Variants in KCNQ5 observed in about 807,000 individuals in gnomAD.
KCNQ5 encodes the protein potassium voltage-gated channel subfamily KQT member 5.
Under a neutral mutation model 98.2 loss-of-function variants are expected in KCNQ5, and 30 were observed. The ratio of observed to expected loss-of-function variants is 0.31; its 90% CI spans 0.23 to 0.41. KCNQ5 has a LOEUF of 0.41. Among genes scored for constraint, KCNQ5 ranks in the 10% least tolerant of loss-of-function variants. The probability of loss-of-function intolerance (pLI) is 1.00; values close to 1 mark genes in which losing one functional copy is unlikely to be tolerated. For missense variants in KCNQ5, 835 were observed against 1,182.5 expected (o/e 0.71, Z 4.31); for synonymous variants, 458 against 449.4 (o/e 1.02, Z -0.24).
At chr6:73,193,664 G>T (rs577741536) in intron 13 of KCNQ5, among the ~76,000 whole-genome samples, 3 of 151,298 alleles carry the variant, frequency 2.0e-5, no homozygotes, top group African/African-American at 7.3e-5. Flanking sequence ...TATTAATTCC[G>T]GAGCATTTTG....
At chr6:72,974,581 C>T (rs1217231395) in intron 1 of KCNQ5, among the ~76,000 whole-genome samples, 1 of 152,114 alleles carries the variant, frequency 6.6e-6, no homozygotes, top group African/African-American at 2.4e-5. Flanking sequence ...GCATTGACAT[C>T]AGAGTATCCT....
At position 72,900,968 on chromosome 6, in the gene KCNQ5, A is replaced by G. The variant is rs558193938; in HGVS notation, c.399-102940A>G. ...ATCTTCTTTTGAGAATTGTCTATTC[A>G]TGTCCTTAGCCCATTTTTTTAATTA... On this transcript the variant is annotated intron_variant, in intron 1 of 13. Transcript: ENST00000370398. 7.2e-4 allele frequency among the ~76,000 whole-genome samples: 110 copies of G among 152,236 alleles called. 1 individual carries two copies. The highest frequency in any genetic ancestry group is 2.4e-3 in the African/African-American group (99 of 41,542).
At chr6:73,155,312 T>C (rs1777317759) in intron 10 of KCNQ5, among the ~76,000 whole-genome samples, 1 of 152,236 alleles carries the variant, frequency 6.6e-6, no homozygotes, top group Admixed American at 6.5e-5. Flanking sequence ...GTTCTCCACA[T>C]TGTGAGTGTC....
At chr6:73,126,467 C>T (rs1221070303) in intron 9 of KCNQ5, among the ~76,000 whole-genome samples, 2 of 152,204 alleles carry the variant, frequency 1.3e-5, no homozygotes, top group Non-Finnish European at 2.9e-5. Context: ...AGCTTCTGCT[C>T]ACTAGTCCAA....
chr6:72,802,473 C>T (rs1347222020), intron 1 of KCNQ5, among the ~76,000 whole-genome samples: 1 of 152,138 alleles, frequency 6.6e-6, no homozygotes, highest in Non-Finnish European at 1.5e-5. Flanking sequence ...AAACAATCCT[C>T]TTTTTACTTA....
chr6:73,178,242 T>C (rs1360924585), intron 11 of KCNQ5, among the ~76,000 whole-genome samples: 1 of 145,168 alleles, frequency 6.9e-6, no homozygotes, highest in Admixed American at 7.1e-5. Flanking sequence ...GATCTGGAAG[T>C]TCTTGCTTGG....
intron 1 of KCNQ5, among the ~76,000 whole-genome samples, chr6:72,810,402 C>T (rs1055808194): frequency 4.6e-5 from 7 of 152,132 alleles, no homozygotes; most frequent in African/African-American, 1.7e-4. Flanking sequence ...CATTTTATTG[C>T]ATAGAATTCA....
chr6:72,625,660 T>C (rs760096334), intron 1 of KCNQ5, among the ~76,000 whole-genome samples: 11 of 152,212 alleles, frequency 7.2e-5, no homozygotes, highest in Non-Finnish European at 1.3e-4. Context: ...TATCTTTGCC[T>C]GACTTAATGC....
intron 5 of KCNQ5, among the ~76,000 whole-genome samples, chr6:73,081,319 A>AG (rs1176088107): frequency 6.6e-6 from 1 of 151,970 alleles, no homozygotes; most frequent in Non-Finnish European, 1.5e-5. Flanking sequence ...TGTTGGATAG[A>AG]GCTCCATTTA....
intron 1 of KCNQ5, among the ~76,000 whole-genome samples, chr6:72,749,470 A>T (rs1032595998): frequency 3.3e-5 from 5 of 151,918 alleles, no homozygotes; most frequent in Non-Finnish European, 7.4e-5. Context: ...ATTAAAAAAA[A>T]ATTTCTCAGA....
At chr6:73,035,368 C>T (rs928121949) in intron 2 of KCNQ5, among the ~76,000 whole-genome samples, 3 of 152,206 alleles carry the variant, frequency 2.0e-5, no homozygotes, top group Non-Finnish European at 4.4e-5. Context: ...TTGTTAATAA[C>T]ATCAAGTTTC....
chr6:72,836,755 T>G (rs1413523718), intron 1 of KCNQ5, among the ~76,000 whole-genome samples: 1 of 152,226 alleles, frequency 6.6e-6, no homozygotes, highest in Non-Finnish European at 1.5e-5. Flanking sequence ...TTCTGCAATG[T>G]CTGGGATCAC....
At chr6:73,089,504 C>T (rs926862718) in intron 5 of KCNQ5, among the ~76,000 whole-genome samples, 1 of 152,082 alleles carries the variant, frequency 6.6e-6, no homozygotes, top group African/African-American at 2.4e-5. Flanking sequence ...TTGGTGCACC[C>T]ATCACCCAAG....
intron 1 of KCNQ5, among the ~76,000 whole-genome samples, chr6:72,640,012 A>G (rs1216631633): frequency 6.6e-6 from 1 of 152,162 alleles, no homozygotes; most frequent in Non-Finnish European, 1.5e-5. Context: ...TTAAGAGATA[A>G]ATAACGCGAT....
At chr6:72,987,274 A>G in intron 1 of KCNQ5, 1 of 692,704 alleles carries the variant, frequency 1.4e-6, no homozygotes, top group Admixed American at 1.8e-5. Context: ...GAGGAAACAG[A>G]GACGGACTTA....
chr6:72,760,350 G>A (rs911139210), intron 1 of KCNQ5, among the ~76,000 whole-genome samples: 14 of 148,648 alleles, frequency 9.4e-5, no homozygotes, highest in Non-Finnish European at 1.5e-4. Flanking sequence ...AGGCTTGTCA[G>A]CACCTGAACA....
At chr6:72,633,627 T>A (rs952923375) in intron 1 of KCNQ5, among the ~76,000 whole-genome samples, 5 of 152,128 alleles carry the variant, frequency 3.3e-5, no homozygotes, top group African/African-American at 4.8e-5. Flanking sequence ...GGCATCACTA[T>A]CTGACTTCAA....
chr6:73,096,437 G>A (rs1774502682), intron 5 of KCNQ5, among the ~76,000 whole-genome samples: 1 of 151,640 alleles, frequency 6.6e-6, no homozygotes, highest in South Asian at 2.1e-4. Context: ...TATCTGAGAA[G>A]TTAGCTGAGG....
intron 2 of KCNQ5, among the ~76,000 whole-genome samples, chr6:73,004,489 T>A (rs1769731149): frequency 2.0e-5 from 3 of 152,222 alleles, no homozygotes; most frequent in Non-Finnish European, 4.4e-5. Flanking sequence ...GACTGCATTA[T>A]GAGTTTTGCT....
Sources: allele counts gnomAD v4.1 joint callset (sites outside exome capture counted in the v4.1 genomes callset), GRCh38; gene constraint gnomAD v4.1.1; transcripts MANE v1.5; gene names NCBI Gene and HGNC (gene_info 2026-07-23, HGNC 2026-07-21).